HIVEP1: variants seen among roughly 807,000 people sequenced by gnomAD.
HIVEP1 encodes HIVEP zinc finger 1, also known as zinc finger protein 40.
A neutral mutation model predicts 180.0 loss-of-function variants in HIVEP1; 36 were observed. The ratio of observed to expected loss-of-function variants is 0.20; its 90% CI spans 0.15 to 0.26. The LOEUF (loss-of-function observed/expected upper bound fraction) is 0.26. Among genes scored for constraint, HIVEP1 ranks in the 10% least tolerant of loss-of-function variants. The pLI is 1.00. For synonymous variants in HIVEP1, 1,239 were observed against 1,239.0 expected, an observed-to-expected ratio of 1.00 and a Z score of 0.00; for missense variants, 3,143 against 3,268.7, an observed-to-expected ratio of 0.96 and a Z score of 0.94.
intron 2 of HIVEP1, among the ~76,000 whole-genome samples, chr6:12,069,252 G>C (rs1771805860): frequency 6.6e-6 from 1 of 152,130 alleles, no homozygotes; most frequent in South Asian, 2.1e-4. Context: ...TTACAGCACA[G>C]TGGTATTTGT....
chr6:12,190,763 C>T, the HIVEP1 span, among the ~76,000 whole-genome samples: 2 of 152,240 alleles, frequency 1.3e-5, no homozygotes, highest in South Asian at 4.1e-4. Flanking sequence ...GTTACCATTT[C>T]TATTTTATTC....
intron 2 of HIVEP1, among the ~76,000 whole-genome samples, chr6:12,074,273 C>T: frequency 6.6e-6 from 1 of 152,098 alleles, no homozygotes; most frequent in East Asian, 1.9e-4. Flanking sequence ...TCTTTCCTGT[C>T]TACTCTCTTC....
At chr6:12,187,760 T>G in the HIVEP1 span, among the ~76,000 whole-genome samples, 1 of 151,970 alleles carries the variant, frequency 6.6e-6, no homozygotes, top group Admixed American at 6.6e-5. Context: ...GCCTTGCTAA[T>G]TTTTTTGTAG....
At chr6:12,007,898 T>A (rs1767093248), upstream of HIVEP1, 1 of 152,208 alleles carries the variant, frequency 6.6e-6, no homozygotes, top group Non-Finnish European at 1.5e-5. Context: ...CTAGGTATTT[T>A]TCCATGTGTT....
At chr6:12,139,710 A>G (rs541836392) in intron 7 of HIVEP1, among the ~76,000 whole-genome samples, 5 of 152,256 alleles carry the variant, frequency 3.3e-5, no homozygotes, top group African/African-American at 1.2e-4. Flanking sequence ...GGTGGATCCC[A>G]TGCCCACAGA....
chr6:12,053,546 A>G (rs1400346173), intron 2 of HIVEP1, among the ~76,000 whole-genome samples: 1 of 152,198 alleles, frequency 6.6e-6, no homozygotes, highest in African/African-American at 2.4e-5. Flanking sequence ...AAAGACTAAT[A>G]GAAATATTCT....
At position 12,121,546 on chromosome 6, in the gene HIVEP1, A is replaced by G. The variant is rs765606276; in HGVS notation, c.1751A>G (p.Lys584Arg). ...RTDSPKAMDP[K>R]PELSSAQKQK... Reference sequence around the variant, plus strand: ...GACAGTCCAAAGGCCATGGATCCCAAGCCTGAACTTTCTAGTGCACAAAAG... The same window carrying G: ...GACAGTCCAAAGGCCATGGATCCCAGGCCTGAACTTTCTAGTGCACAAAAG... The change falls in exon 4 of 9, where the codon AAG (lysine) becomes AGG (arginine). Residue 584 changes from lysine to arginine, a missense_variant. Around this residue, in one of 12 missense-constraint regions of HIVEP1, gnomAD observed 365 missense variants for 344.4 expected, o/e 1.06. Transcript: ENST00000379388. The surrounding 1 kb of genome is among the most constrained non-coding windows in gnomAD (Gnocchi z 5.3). 5 of 1,614,052 alleles carry G rather than the reference A, an allele frequency of 3.1e-6. No homozygotes were observed. In the African/African-American group the frequency reaches 5.3e-5, roughly 17 times the overall value.
chr6:12,099,596 C>T (rs1171084441), intron 3 of HIVEP1, among the ~76,000 whole-genome samples: 1 of 152,118 alleles, frequency 6.6e-6, no homozygotes, highest in African/African-American at 2.4e-5. Context: ...ATAGATGCAA[C>T]TCACTTCTCC....
chr6:12,141,906 G>A (rs1401541683), intron 7 of HIVEP1, among the ~76,000 whole-genome samples: 2 of 151,976 alleles, frequency 1.3e-5, no homozygotes, highest in Non-Finnish European at 1.5e-5. Context: ...GACCTACAAA[G>A]AGACTTAGAC....
the HIVEP1 span, among the ~76,000 whole-genome samples, chr6:12,190,707 T>C: frequency 6.6e-6 from 1 of 152,320 alleles, no homozygotes; most frequent in African/African-American, 2.4e-5. Context: ...CTGTTGGCTC[T>C]TGTAGTGTTT....
At chr6:12,028,376 C>G (rs1561866745) in intron 2 of HIVEP1, among the ~76,000 whole-genome samples, 1 of 152,132 alleles carries the variant, frequency 6.6e-6, no homozygotes, top group South Asian at 2.1e-4. Context: ...GTCTAGACAG[C>G]TGTATGAATA....
chr6:12,059,246 C>T (rs1771073139), intron 2 of HIVEP1, among the ~76,000 whole-genome samples: 1 of 152,144 alleles, frequency 6.6e-6, no homozygotes. Context: ...CCATGTTGGC[C>T]AGGCTGGTCT....
intron 3 of HIVEP1, among the ~76,000 whole-genome samples, chr6:12,106,365 G>A (rs989986454): frequency 2.6e-5 from 4 of 151,668 alleles, no homozygotes; most frequent in East Asian, 1.9e-4. Flanking sequence ...TTTTTTTTCC[G>A]GGGGATGGTG....
At chr6:12,159,200 G>A (rs1004603029) in intron 7 of HIVEP1, among the ~76,000 whole-genome samples, 1 of 152,064 alleles carries the variant, frequency 6.6e-6, no homozygotes, top group Non-Finnish European at 1.5e-5. Flanking sequence ...ACGTGTGTGT[G>A]TGTGTGTGCG....
Position 12,123,510 on chromosome 6 carries a change from G to C in HIVEP1, c.3715G>C (p.Val1239Leu), listed in dbSNP as rs781034585. The C allele has an allele frequency of 6.2e-7, 1 of 1,614,134 alleles. No homozygotes were observed. The change falls in exon 4 of 9, where the codon GTC (valine) becomes CTC (leucine). Residue 1239 changes from valine to leucine, a missense_variant. Physicochemically the swap from Val to Leu is conservative, Grantham distance 32. Transcript: ENST00000379388. Reference protein sequence around the residue: ...QHNIQVPEILVTEEPDRDLEA... With the variant: ...QHNIQVPEILLTEEPDRDLEA... Reference sequence around the variant, plus strand: ...CAACATCCAAGTTCCAGAGATTTTGGTCACAGAAGAACCAGATCGAGACCT... The same window carrying C: ...CAACATCCAAGTTCCAGAGATTTTGCTCACAGAAGAACCAGATCGAGACCT...
chr6:12,167,631 T>TTATATTACATG (rs1562023542), downstream of HIVEP1, among the ~76,000 whole-genome samples: 177 of 100,588 alleles, frequency 1.8e-3, 15 homozygotes, highest in African/African-American at 4.1e-3. Flanking sequence ...TATATACATG[T>TTATATTACATG]TATATATACA....
At chr6:12,191,489 G>T in the HIVEP1 span, among the ~76,000 whole-genome samples, 2 of 152,196 alleles carry the variant, frequency 1.3e-5, no homozygotes, top group East Asian at 1.9e-4. Context: ...AACTACTCAG[G>T]AGGCTGAGGT....
chr6:12,056,844 T>G (rs965242073), intron 2 of HIVEP1, among the ~76,000 whole-genome samples: 3 of 141,958 alleles, frequency 2.1e-5, no homozygotes, highest in Non-Finnish European at 3.0e-5. Context: ...TTTGTTTTTG[T>G]TTTTTTTTTT....
At chr6:12,167,588 T>TTGCATGTATATA, downstream of HIVEP1, among the ~76,000 whole-genome samples, 2 of 117,588 alleles carry the variant, frequency 1.7e-5, no homozygotes, top group African/African-American at 6.7e-5. Context: ...ATACGTTATA[T>TTGCATGTATATA]TACATGTATA....
Sources: gnomAD v4.1 joint callset for allele counts (sites outside exome capture counted in the v4.1 genomes callset) on GRCh38, gnomAD v4.1.1 for gene constraint, gnomAD v4.1.1 regional missense constraint, Gnocchi (gnomAD v3.1) non-coding constraint, MANE v1.5 for transcripts, NCBI Gene and HGNC (gene_info 2026-07-23, HGNC 2026-07-21) for gene names.